The following CNTNAP2 variants were observed in gnomAD, a reference collection of about 807,000 sequenced individuals.
CNTNAP2 encodes contactin associated protein 2.
A neutral mutation model predicts 155.2 loss-of-function variants in CNTNAP2; 98 were observed. That is an observed-to-expected ratio of 0.63 (90% CI 0.54 to 0.75). The LOEUF is 0.75. CNTNAP2 is among the 30% of genes least tolerant of loss of function. The pLI is 0.00. For synonymous variants in CNTNAP2, 651 were observed against 631.2 expected (o/e 1.03, Z -0.47); for missense variants, 1,727 against 1,688.1 (o/e 1.02, Z -0.40).
chr7:147,176,067 A>G (rs1802332188), intron 8 of CNTNAP2, among the ~76,000 whole-genome samples: 1 of 152,266 alleles, frequency 6.6e-6, no homozygotes, highest in South Asian at 2.1e-4. Flanking sequence ...TGGTCTGAGT[A>G]TTTAACAGAA....
chr7:147,978,858 C>G (rs1239116824), intron 15 of CNTNAP2, among the ~76,000 whole-genome samples: 1 of 152,128 alleles, frequency 6.6e-6, no homozygotes, highest in African/African-American at 2.4e-5. Flanking sequence ...CAGGAGACCT[C>G]AGGCAAACCC....
Position 146,380,784 on chromosome 7 carries a change from CTTTTTTTTTTTTTTTTTTTTTT to C in CNTNAP2, c.97+263823_97+263844del, listed in dbSNP as rs56886106. The stretch of plus-strand genomic sequence containing the variant: ...ATATTTCTTGCTTCTTATGCACGTT[CTTTTTTTTTTTTTTTTTTTTTT>C]TTTTTTTTTTTGAGACGGAGTCTCG... On this transcript the variant is annotated intron_variant, in intron 1 of 23. Coordinates refer to ENST00000361727, the MANE Select transcript of CNTNAP2 (RefSeq NM_014141.6). Among the ~76,000 whole-genome samples the C allele has an allele frequency of 3.0e-3, 115 of 38,828 alleles. 1 individual carries two copies. Among genetic ancestry groups the C allele is most frequent in the African/African-American group, 8.6e-3 (110 of 12,776 alleles). 25.5% of individuals were successfully genotyped at this position (38,828 alleles called of 152,430 possible).
chr7:146,209,848 G>A (rs1447524072), intron 1 of CNTNAP2, among the ~76,000 whole-genome samples: 3 of 152,038 alleles, frequency 2.0e-5, no homozygotes, highest in African/African-American at 7.2e-5. Flanking sequence ...ATAAATATAT[G>A]GACAGAATAG....
At chr7:148,002,843 A>G (rs1482842344) in intron 15 of CNTNAP2, among the ~76,000 whole-genome samples, 1 of 152,166 alleles carries the variant, frequency 6.6e-6, no homozygotes, top group Admixed American at 6.5e-5. Flanking sequence ...CTCAAGTAAT[A>G]CTGTTACCGG....
chr7:146,827,919 T>G (rs1803437824), intron 2 of CNTNAP2, among the ~76,000 whole-genome samples: 1 of 152,096 alleles, frequency 6.6e-6, no homozygotes, highest in African/African-American at 2.4e-5. Context: ...TTTGACTAGA[T>G]TATATTATTT....
chr7:148,055,574 CACCTAATGCAGA>C (rs1802991689), intron 15 of CNTNAP2, among the ~76,000 whole-genome samples: 1 of 152,178 alleles, frequency 6.6e-6, no homozygotes, highest in South Asian at 2.1e-4. Context: ...CCAGATTAGG[CACCTAATGCAGA>C]ACCTAGTGAG....
intron 1 of CNTNAP2, among the ~76,000 whole-genome samples, chr7:146,705,952 G>A (rs932803231): frequency 6.6e-6 from 1 of 152,136 alleles, no homozygotes; most frequent in African/African-American, 2.4e-5. Flanking sequence ...GCATTTTGAA[G>A]AGACACAAAC....
intron 15 of CNTNAP2, among the ~76,000 whole-genome samples, chr7:147,990,968 C>T (rs368707066): frequency 1.3e-5 from 2 of 152,176 alleles, no homozygotes; most frequent in Non-Finnish European, 2.9e-5. Flanking sequence ...GGCTGGTCTT[C>T]CTGGCACACC....
chr7:146,840,048 G>C lies in CNTNAP2; in HGVS notation c.402+144G>C, dbSNP rs1803691135. ...TATTTATTCATCATTGTTGATGGAA[G>C]AAAGTTTCTTCAGGCTGTAATTTCT... On this transcript the variant is annotated intron_variant, in intron 3 of 23. Coordinates refer to ENST00000361727, the MANE Select transcript of CNTNAP2 (RefSeq NM_014141.6). The C allele has an allele frequency of 3.0e-6, 3 of 1,010,174 alleles. No individual in the cohort carries two copies. In the East Asian group the frequency reaches 7.8e-5, roughly 26 times the overall value. The allele number at this position is 1,010,174 out of a possible 1,614,324, so 62.6% of individuals were successfully genotyped here.
intron 3 of CNTNAP2, among the ~76,000 whole-genome samples, chr7:146,879,498 T>C (rs898478390): frequency 5.9e-5 from 9 of 152,020 alleles, no homozygotes; most frequent in African/African-American, 2.2e-4. Flanking sequence ...ATATATAATA[T>C]TAAATTAGCA....
At chr7:146,705,344 TG>T (rs1364876992) in intron 1 of CNTNAP2, among the ~76,000 whole-genome samples, 3 of 152,042 alleles carry the variant, frequency 2.0e-5, no homozygotes, top group Admixed American at 6.6e-5. Context: ...GAAGATTCAG[TG>T]TGGTAAGTAT....
At chr7:148,026,391 C>A (rs374282274) in intron 15 of CNTNAP2, among the ~76,000 whole-genome samples, 97 of 152,196 alleles carry the variant, frequency 6.4e-4, no homozygotes, top group African/African-American at 2.1e-3. Context: ...GTCAAGGCTG[C>A]GGTGAGCCAT....
chr7:147,163,693 A>T (rs1802070720), intron 8 of CNTNAP2, among the ~76,000 whole-genome samples: 1 of 152,204 alleles, frequency 6.6e-6, no homozygotes, highest in Non-Finnish European at 1.5e-5. Flanking sequence ...AAGAGAGCTC[A>T]CAAGTTAGGT....
chr7:147,871,510 C>G (rs1295887228), intron 13 of CNTNAP2, among the ~76,000 whole-genome samples: 1 of 152,184 alleles, frequency 6.6e-6, no homozygotes, highest in Non-Finnish European at 1.5e-5. Flanking sequence ...TTCTTTTCCC[C>G]TCCTGGGACT....
intron 8 of CNTNAP2, among the ~76,000 whole-genome samples, chr7:147,276,520 G>A (rs943164546): frequency 1.3e-5 from 2 of 152,054 alleles, no homozygotes; most frequent in Admixed American, 1.3e-4. Context: ...CTATGTTACA[G>A]ATACCATAGC....
At chr7:147,267,926 C>G (rs1804653259) in intron 8 of CNTNAP2, among the ~76,000 whole-genome samples, 1 of 151,942 alleles carries the variant, frequency 6.6e-6, no homozygotes, top group Non-Finnish European at 1.5e-5. Flanking sequence ...TGGAGTAGTC[C>G]CTGTGACATT....
chr7:146,742,265 T>C lies in CNTNAP2; in HGVS notation c.98-32006T>C, dbSNP rs1285579908. Among the ~76,000 whole-genome samples the C allele has an allele frequency of 3.3e-5, 5 of 152,150 alleles. No individual in the cohort carries two copies. The South Asian group carries it at 6.2e-4, about 19-fold the overall frequency. ...ATCAGCTGGATATAATGGGGATAGA[T>C]GTCCAGGGTAATTTTCCATCATACT... On this transcript the variant is annotated intron_variant, in intron 1 of 23. Coordinates refer to ENST00000361727, the MANE Select transcript of CNTNAP2 (RefSeq NM_014141.6).
chr7:147,662,898 A>C (rs151087943), intron 13 of CNTNAP2, among the ~76,000 whole-genome samples: 4 of 152,252 alleles, frequency 2.6e-5, no homozygotes, highest in Non-Finnish European at 5.9e-5. Context: ...TGTATTTCTT[A>C]AAAGTTCTAT....
At position 147,108,228 on chromosome 7, in the gene CNTNAP2, T is replaced by C. The variant is rs367652115; in HGVS notation, c.632T>C (p.Val211Ala). ...AAGAAGATGAAAACACTGAAAGATG[T>C]CATTGCCTTGAACTTTAAGACGTCT... ...RNKKMKTLKD[V>A]IALNFKTSES... Residue 211 changes from valine (V) to alanine (A), a missense_variant, in exon 5 of 24, where the codon GTC becomes GCC. By Grantham distance (64) the Val-to-Ala change is moderately conservative. Coordinates refer to ENST00000361727, the MANE Select transcript of CNTNAP2 (RefSeq NM_014141.6). 58 of 1,613,716 alleles carry C rather than the reference T, an allele frequency of 3.6e-5. No individual in the cohort carries two copies. In the African/African-American group the frequency reaches 4.4e-4, roughly 12 times the overall value.
Sources: allele counts gnomAD v4.1 joint callset (sites outside exome capture counted in the v4.1 genomes callset), GRCh38; gene constraint gnomAD v4.1.1; transcripts MANE v1.5; gene names NCBI Gene and HGNC (gene_info 2026-07-23, HGNC 2026-07-21).